Variants in TFB1M observed in about 807,000 individuals in gnomAD.
The protein encoded by TFB1M is dimethyladenosine transferase 1, mitochondrial.
Under a neutral mutation model 31.1 loss-of-function variants are expected in TFB1M, and 27 were observed. That is an observed-to-expected ratio of 0.87 (90% CI 0.64 to 1.20). The LOEUF is 1.20. Among genes scored for constraint, TFB1M ranks in the 50% most tolerant of loss-of-function variants. The pLI is 0.00. For missense variants in TFB1M, 394 were observed against 418.7 expected (o/e 0.94, Z 0.51); for synonymous variants, 166 against 151.8 (o/e 1.09, Z -0.69).
intron 5 of TFB1M, among the ~76,000 whole-genome samples, chr6:155,261,611 T>G (rs61201438): frequency 0.13 from 19,365 of 152,142 alleles, 1,500 homozygotes; most frequent in African/African-American, 0.19. Flanking sequence ...CTGACGCGCT[T>G]GTGGGAGGTG....
intron 5 of TFB1M, among the ~76,000 whole-genome samples, chr6:155,265,846 A>T (rs1784612357): frequency 6.6e-6 from 1 of 150,998 alleles, no homozygotes; most frequent in Non-Finnish European, 1.5e-5. Flanking sequence ...GTCCCACAAT[A>T]GGCCATCTGC....
At chr6:155,250,715 T>A in the TFB1M span, 2 of 1,250,200 alleles carry the variant, frequency 1.6e-6, no homozygotes, top group African/African-American at 1.5e-5. Context: ...CACCTTTATG[T>A]TATTCATCAG....
At chr6:155,235,903 C>A in the TFB1M span, among the ~76,000 whole-genome samples, 1 of 152,110 alleles carries the variant, frequency 6.6e-6, no homozygotes, top group Non-Finnish European at 1.5e-5. Flanking sequence ...TTTTTGACAT[C>A]CCAGTGAAGC....
chr6:155,230,947 A>G, the TFB1M span, among the ~76,000 whole-genome samples: 1 of 151,670 alleles, frequency 6.6e-6, no homozygotes, highest in African/African-American at 2.4e-5. Flanking sequence ...AGTCCTCCCA[A>G]CTCAGGTCCT....
rs1212387484 is a variant in TFB1M at position 155,257,857 on chromosome 6, G to A, written c.1020C>T (p.Asp340=). The stretch of plus-strand genomic sequence containing the variant: ...GCAGCTAGAGTCTGTAATTCTCTGC[G>A]TCATCCTCTTCTTTTTCTTCATTTT... ...KSKNEEKEED[D]AENYRL is the part of the protein sequence containing the mutation. Residue 340 remains aspartate, a synonymous_variant, in exon 7 of 7, where the codon GAC becomes GAT. Coordinates refer to ENST00000367166, the MANE Select transcript of TFB1M (RefSeq NM_016020.4). The A allele has an allele frequency of 1.5e-5, 24 of 1,614,036 alleles. No individual in the cohort carries two copies. Among genetic ancestry groups the A allele is most frequent in the East Asian group, 2.2e-5 (1 of 44,896 alleles).
At chr6:155,310,976 G>A (rs936994933) in intron 2 of TFB1M, 3 of 586,024 alleles carry the variant, frequency 5.1e-6, no homozygotes, top group Non-Finnish European at 9.0e-6. Context: ...TTTTCAAGGT[G>A]TAGTCAATAG....
At chr6:155,244,909 C>G in the TFB1M span, 2 of 1,242,670 alleles carry the variant, frequency 1.6e-6, no homozygotes, top group South Asian at 3.7e-5. Context: ...TGTCCTGTGA[C>G]TATTTCCTTG....
downstream of TFB1M, chr6:155,254,256 T>C: frequency 9.6e-7 from 1 of 1,039,906 alleles, no homozygotes; most frequent in South Asian, 1.7e-5. Flanking sequence ...GAGTGATCAA[T>C]TCTCACCTCC....
Position 155,257,942 on chromosome 6 carries a change from T to C in TFB1M, c.935A>G (p.Asp312Gly), listed in dbSNP as rs950821297. The C allele has an allele frequency of 1.9e-5, 30 of 1,614,106 alleles. No homozygotes were observed. The highest frequency in any genetic ancestry group is 2.7e-5 in the African/African-American group (2 of 74,934). The change falls in exon 7 of 7, where the codon GAT becomes GGT. Residue 312 changes from aspartate (D) to glycine (G), a missense_variant. Around this residue, in one of 3 missense-constraint regions of TFB1M, gnomAD observed 115 missense variants for 144.1 expected, o/e 0.80. Coordinates refer to ENST00000367166, the MANE Select transcript of TFB1M (RefSeq NM_016020.4). ...SLCDVYRKMC[D>G]EDPQLFAYNF... Reference sequence around the variant, plus strand: ...ATATGCAAAGAGTTGTGGGTCTTCATCACACATTTTTCTGTATACATCACA... The same window carrying C: ...ATATGCAAAGAGTTGTGGGTCTTCACCACACATTTTTCTGTATACATCACA...
Position 155,257,596 on chromosome 6 carries a change from ATG to A in TFB1M, c.*238_*239del. 1 of 491,930 alleles carries A rather than the reference ATG, an allele frequency of 2.0e-6. No homozygotes were observed. 30.5% of individuals were successfully genotyped at this position (491,930 alleles called of 1,614,324 possible). On this transcript the variant is annotated 3_prime_UTR_variant, in exon 7 of 7. Coordinates refer to ENST00000367166, the MANE Select transcript of TFB1M (RefSeq NM_016020.4). The stretch of plus-strand genomic sequence containing the variant: ...ATTTTTGTAAGATAGATTGTAATAG[ATG>A]CTGTTTATACTAAACATGTCATAAC...
At chr6:155,301,474 G>A (rs1322528622) in intron 2 of TFB1M, among the ~76,000 whole-genome samples, 2 of 152,064 alleles carry the variant, frequency 1.3e-5, no homozygotes, top group African/African-American at 2.4e-5. Context: ...GGAGGGGGTG[G>A]GAAAATCACT....
downstream of TFB1M, chr6:155,254,234 T>C (rs934380087): frequency 5.0e-6 from 5 of 1,006,106 alleles, no homozygotes; most frequent in Non-Finnish European, 1.4e-6. Context: ...TAAATAAATA[T>C]CAAAATCTTA....
the TFB1M span, among the ~76,000 whole-genome samples, chr6:155,235,460 T>C: frequency 6.6e-6 from 1 of 152,206 alleles, no homozygotes; most frequent in Admixed American, 6.5e-5. Flanking sequence ...CCAGCCCAGA[T>C]AATCACTATT....
At chr6:155,247,554 G>A in the TFB1M span, among the ~76,000 whole-genome samples, 3 of 152,050 alleles carry the variant, frequency 2.0e-5, no homozygotes, top group Non-Finnish European at 2.9e-5. Context: ...TCTCGAACTC[G>A]TGACCTCAGG....
At chr6:155,253,335 G>A (rs1242318201), downstream of TFB1M, 5 of 390,512 alleles carry the variant, frequency 1.3e-5, no homozygotes, top group African/African-American at 2.0e-5. Context: ...ACCCTAAAAT[G>A]TGTTAGAAGA....
At chr6:155,312,268 T>C (rs1162859067) in intron 1 of TFB1M, among the ~76,000 whole-genome samples, 1 of 152,184 alleles carries the variant, frequency 6.6e-6, no homozygotes, top group Non-Finnish European at 1.5e-5. Flanking sequence ...CCAAAAATGG[T>C]TTAGTCTTTT....
In TFB1M at chr6:155,274,334, A is replaced by G. The variant is rs185798637; in HGVS notation, c.666+10824T>C. On this transcript the variant is annotated intron_variant, in intron 5 of 6. Transcript: ENST00000367166. ...ATGGGCTAGATAGGGGAACAGGAATAGAAAGATGGAATCGAAAGCCTTTTT... is the reference window on the plus strand; with the variant it reads ...ATGGGCTAGATAGGGGAACAGGAATGGAAAGATGGAATCGAAAGCCTTTTT... Among the ~76,000 whole-genome samples the G allele has an allele frequency of 3.5e-4, 54 of 152,382 alleles. No individual in the cohort carries two copies. The East Asian group carries it at 9.0e-3, about 26-fold the overall frequency.
intron 4 of TFB1M, among the ~76,000 whole-genome samples, chr6:155,285,516 C>T (rs765658462): frequency 6.6e-6 from 1 of 152,156 alleles, no homozygotes; most frequent in Non-Finnish European, 1.5e-5. Context: ...AAAATAAGAA[C>T]ATTTGCTCTA....
At chr6:155,241,695 GA>G in the TFB1M span, among the ~76,000 whole-genome samples, 1 of 152,178 alleles carries the variant, frequency 6.6e-6, no homozygotes, top group Non-Finnish European at 1.5e-5. Flanking sequence ...TTTGGCCTCA[GA>G]GGGGAGAAAG....
Sources: allele counts gnomAD v4.1 joint callset (sites outside exome capture counted in the v4.1 genomes callset), GRCh38; gene constraint gnomAD v4.1.1; regional missense constraint gnomAD v4.1.1; transcripts MANE v1.5; gene names NCBI Gene and HGNC (gene_info 2026-07-23, HGNC 2026-07-21).